Variants in CMKLR1 observed in about 807,000 individuals in gnomAD.
The protein encoded by CMKLR1 is chemerin-like receptor 1.
CMKLR1 carries 6 observed loss-of-function variants against 8.2 expected under a neutral mutation model. The observed-to-expected ratio is 0.73, with a 90% CI of 0.40 to 1.44. The LOEUF is 1.44. CMKLR1 is among the 40% of genes most tolerant of loss of function. The probability of loss-of-function intolerance (pLI) is 0.02; values close to 1 mark genes in which losing one functional copy is unlikely to be tolerated. For synonymous variants in CMKLR1, 178 were observed against 181.2 expected (o/e 0.98, Z 0.14); for missense variants, 429 against 478.0 (o/e 0.90, Z 0.96).
chr12:108,312,763 C>T (rs1025997409), intron 2 of CMKLR1, among the ~76,000 whole-genome samples: 1 of 152,124 alleles, frequency 6.6e-6, no homozygotes, highest in African/African-American at 2.4e-5. Context: ...GCACACGGGG[C>T]CCTGTGATCT....
At chr12:108,318,029 T>G (rs2137327271) in intron 2 of CMKLR1, 1 of 152,386 alleles carries the variant, frequency 6.6e-6, no homozygotes, top group Middle Eastern at 3.4e-3. Flanking sequence ...TGATTTCTTA[T>G]TAGTATATTC....
intron 2 of CMKLR1, among the ~76,000 whole-genome samples, chr12:108,308,284 A>G (rs1328354177): frequency 6.6e-6 from 1 of 152,224 alleles, no homozygotes; most frequent in Non-Finnish European, 1.5e-5. Context: ...CAGCCACTGC[A>G]TTAATAGGGA....
chr12:108,299,954 C>T (rs1246517954), intron 2 of CMKLR1, among the ~76,000 whole-genome samples: 1 of 152,216 alleles, frequency 6.6e-6, no homozygotes, highest in African/African-American at 2.4e-5. Context: ...CAGCGTCCTG[C>T]TCACCCATGT....
At chr12:108,336,395 A>C (rs1892224831) in intron 1 of CMKLR1, among the ~76,000 whole-genome samples, 1 of 152,058 alleles carries the variant, frequency 6.6e-6, no homozygotes. Context: ...AAATACAAAA[A>C]ATTAGCCGGG....
At chr12:108,300,165 G>A (rs187911290) in intron 2 of CMKLR1, among the ~76,000 whole-genome samples, 49 of 152,292 alleles carry the variant, frequency 3.2e-4, no homozygotes, top group Admixed American at 2.1e-3. Flanking sequence ...GGCGCCATGT[G>A]GCTTGAGCTT....
intron 2 of CMKLR1, among the ~76,000 whole-genome samples, chr12:108,298,046 T>C (rs1181430160): frequency 6.6e-6 from 1 of 152,234 alleles, no homozygotes; most frequent in Non-Finnish European, 1.5e-5. Context: ...GTTGCTTCTC[T>C]TGAGGAACTG....
intron 2 of CMKLR1, among the ~76,000 whole-genome samples, chr12:108,304,538 A>C (rs1891357238): frequency 2.0e-5 from 3 of 146,746 alleles, no homozygotes; most frequent in African/African-American, 2.5e-5. Context: ...TCCTGTTCTT[A>C]CTCTCCTCTG....
intron 2 of CMKLR1, among the ~76,000 whole-genome samples, chr12:108,327,868 C>T (rs1445991204): frequency 1.3e-5 from 2 of 152,128 alleles, no homozygotes; most frequent in Admixed American, 6.5e-5. Context: ...CGGGGTGGGA[C>T]GGGGCTGAGA....
At chr12:108,320,837 A>G (rs1413897018) in intron 2 of CMKLR1, among the ~76,000 whole-genome samples, 1 of 152,236 alleles carries the variant, frequency 6.6e-6, no homozygotes, top group Non-Finnish European at 1.5e-5. Flanking sequence ...AGCCATATTC[A>G]AAGAAACACA....
chr12:108,311,142 T>C (rs1223686839), intron 2 of CMKLR1, among the ~76,000 whole-genome samples: 1 of 152,166 alleles, frequency 6.6e-6, no homozygotes, highest in Admixed American at 6.5e-5. Flanking sequence ...CTGAAGTCAA[T>C]GTCGTGATGA....
intron 1 of CMKLR1, among the ~76,000 whole-genome samples, chr12:108,330,976 A>T (rs1289822595): frequency 6.6e-6 from 1 of 152,140 alleles, no homozygotes; most frequent in African/African-American, 2.4e-5. Context: ...CCACATCCTC[A>T]AAAATGAACC....
At chr12:108,324,902 A>G (rs1891947067) in intron 2 of CMKLR1, among the ~76,000 whole-genome samples, 1 of 152,168 alleles carries the variant, frequency 6.6e-6, no homozygotes, top group South Asian at 2.1e-4. Context: ...CCCAGAGGGA[A>G]GAAACCAGCA....
Position 108,292,061 on chromosome 12 carries a change from G to A in CMKLR1, c.902C>T (p.Ala301Val). 1 of 1,614,224 alleles carries A rather than the reference G, an allele frequency of 6.2e-7. No individual in the cohort carries two copies. The highest frequency in any genetic ancestry group is 8.5e-7 in the Non-Finnish European group (1 of 1,180,036). The change falls in exon 4 of 4, where the codon GCC becomes GTC. Residue 301 changes from alanine to valine, a missense_variant. Coordinates refer to ENST00000550402, the MANE Select transcript of CMKLR1 (RefSeq NM_001142343.2). ...GCTGTTGGCAATGGCAAGGGCAGTGGCCAGGGGCAAACCCAGGCTGAAGAC... is the reference window on the plus strand; with the variant it reads ...GCTGTTGGCAATGGCAAGGGCAGTGACCAGGGGCAAACCCAGGCTGAAGAC... ...GSVFSLGLPL[A>V]TALAIANSCM...
chr12:108,329,072 A>C (rs1298483057), intron 2 of CMKLR1, among the ~76,000 whole-genome samples: 1 of 152,182 alleles, frequency 6.6e-6, no homozygotes, highest in Non-Finnish European at 1.5e-5. Context: ...AAAGCCACAA[A>C]CCAGCATGCC....
chr12:108,301,727 G>A (rs116186070), intron 2 of CMKLR1, among the ~76,000 whole-genome samples: 1 of 152,228 alleles, frequency 6.6e-6, no homozygotes, highest in Non-Finnish European at 1.5e-5. Context: ...CGAGGAGACT[G>A]AGGCTTTGGA....
chr12:108,292,839 A>T lies in CMKLR1; in HGVS notation c.124T>A (p.Phe42Ile). The change falls in exon 4 of 4, where the codon TTC becomes ATC. Residue 42 changes from phenylalanine (F) to isoleucine (I), a missense_variant. Coordinates refer to ENST00000550402, the MANE Select transcript of CMKLR1 (RefSeq NM_001142343.2). ...ACGATGCTGTAGACCACCACCAGGAAGATCCTGGTCACCCTGGCTTCCAAG... is the reference window on the plus strand; with the variant it reads ...ACGATGCTGTAGACCACCACCAGGATGATCCTGGTCACCCTGGCTTCCAAG... ...SPLEARVTRI[F>I]LVVVYSIVCF... 6.2e-7 allele frequency: 1 copy of T among 1,614,158 alleles called. No homozygotes were observed. The highest frequency in any genetic ancestry group is 8.5e-7 in the Non-Finnish European group (1 of 1,180,024).
At chr12:108,317,803 A>G (rs1891768472) in intron 2 of CMKLR1, 1 of 152,222 alleles carries the variant, frequency 6.6e-6, no homozygotes, top group Non-Finnish European at 1.5e-5. Context: ...AAACTATAGA[A>G]AGATTAGAAT....
At chr12:108,309,003 G>A (rs1891482348) in intron 2 of CMKLR1, among the ~76,000 whole-genome samples, 2 of 152,136 alleles carry the variant, frequency 1.3e-5, no homozygotes, top group African/African-American at 2.4e-5. Context: ...GAGCCAGACT[G>A]CCTCGGTTTG....
chr12:108,324,954 G>A (rs1300853054), intron 2 of CMKLR1, among the ~76,000 whole-genome samples: 10 of 152,128 alleles, frequency 6.6e-5, no homozygotes, highest in South Asian at 6.2e-4. Context: ...CACTCCCACC[G>A]GGAATAAGTG....
Sources: gnomAD v4.1 joint callset for allele counts (sites outside exome capture counted in the v4.1 genomes callset) on GRCh38, gnomAD v4.1.1 for gene constraint, MANE v1.5 for transcripts, NCBI Gene and HGNC (gene_info 2026-07-23, HGNC 2026-07-21) for gene names.